ZDHHC14: variants seen among roughly 807,000 people sequenced by gnomAD.
ZDHHC14 encodes zDHHC palmitoyltransferase 14.
In ZDHHC14, 16 loss-of-function variants were observed where a neutral mutation model predicts 47.7. The ratio of observed to expected loss-of-function variants is 0.34; its 90% confidence interval spans 0.23 to 0.51. The LOEUF is 0.51. ZDHHC14 is among the 20% of genes least tolerant of loss of function. ZDHHC14 has a pLI of 0.97. For synonymous variants in ZDHHC14, 293 were observed against 278.9 expected (o/e 1.05, Z -0.50); for missense variants, 515 against 662.5 (o/e 0.78, Z 2.44).
chr6:157,446,399 G>GT (rs1251752682), intron 1 of ZDHHC14, among the ~76,000 whole-genome samples: 2 of 151,154 alleles, frequency 1.3e-5, no homozygotes, highest in Non-Finnish European at 3.0e-5. Flanking sequence ...TTTTTTTTTG[G>GT]TTTTTTTGTT....
chr6:157,462,343 C>G (rs1375346725), intron 1 of ZDHHC14, among the ~76,000 whole-genome samples: 1 of 152,206 alleles, frequency 6.6e-6, no homozygotes, highest in Non-Finnish European at 1.5e-5. Flanking sequence ...AAGATGAACA[C>G]TAACTGGAGC....
In ZDHHC14 at chr6:157,502,754, G is replaced by T. The variant is rs972621837; in HGVS notation, c.246-39831G>T. Among the ~76,000 whole-genome samples the T allele has an allele frequency of 1.3e-5, 2 of 152,166 alleles. No homozygotes were observed. Among genetic ancestry groups the T allele is most frequent in the African/African-American group, 4.8e-5 (2 of 41,446 alleles). ...CACCCAGGCTGGAGTGCAGTGGCAT[G>T]ATCTTGGCTCACTGCAACCTCCGCC... On this transcript the variant is annotated intron_variant, in intron 1 of 8. Transcript: ENST00000359775. This position sits in a 1 kb window ranked among gnomAD's most constrained non-coding sequence, Gnocchi z 4.0.
At chr6:157,517,438 G>A (rs1780737329) in intron 1 of ZDHHC14, among the ~76,000 whole-genome samples, 1 of 151,872 alleles carries the variant, frequency 6.6e-6, no homozygotes, top group Admixed American at 6.6e-5. Flanking sequence ...AGCCTCCCGA[G>A]TAGCTGGGAT....
intron 6 of ZDHHC14, chr6:157,646,362 C>T: frequency 6.6e-6 from 1 of 152,444 alleles, no homozygotes; most frequent in Non-Finnish European, 1.5e-5. Context: ...CCTGTAATCC[C>T]AGCACTTCGG....
rs1778964880 is a variant in ZDHHC14 at position 157,676,016 on chromosome 6, G to A, written c.*2894G>A. On this transcript the variant is annotated 3_prime_UTR_variant, in exon 9 of 9. Coordinates refer to ENST00000359775, the MANE Select transcript of ZDHHC14 (RefSeq NM_024630.3). ...AACCACAGGCTTCCCGGCACTTGAA[G>A]GCTGAACTGAGCGTGAGTGCCCTGG... The A allele has an allele frequency of 6.6e-6, 1 of 152,262 alleles. No individual in the cohort carries two copies. The highest frequency in any genetic ancestry group is 2.1e-4 in the South Asian group (1 of 4,834). 9.4% of individuals were successfully genotyped at this position (152,262 alleles called of 1,614,324 possible). A position where few individuals can be genotyped will look rare whatever the true frequency, so the allele number is the denominator to read the frequency against.
At chr6:157,453,264 G>A (rs1778843759) in intron 1 of ZDHHC14, among the ~76,000 whole-genome samples, 1 of 152,150 alleles carries the variant, frequency 6.6e-6, no homozygotes, top group African/African-American at 2.4e-5. Flanking sequence ...TTCTATCTCT[G>A]TATTGATCTT....
At chr6:157,595,867 C>T (rs1223089057) in intron 3 of ZDHHC14, among the ~76,000 whole-genome samples, 1 of 152,142 alleles carries the variant, frequency 6.6e-6, no homozygotes, top group African/African-American at 2.4e-5. Context: ...CACAACCGAA[C>T]ATGGTGGTGG....
chr6:157,479,135 T>C lies in ZDHHC14; in HGVS notation c.246-63450T>C, dbSNP rs138902248. 2.4e-3 allele frequency among the ~76,000 whole-genome samples: 360 copies of C among 152,314 alleles called. 2 individuals carry two copies. Among genetic ancestry groups the C allele is most frequent in the African/African-American group, 8.1e-3 (335 of 41,574 alleles). ...GGACTCTGGAGTCCACCTTCCTGGA[T>C]TTAGGTCCCACCTCAGCCACTAACC... On this transcript the variant is annotated intron_variant, in intron 1 of 8. Transcript: ENST00000359775.
chr6:157,500,381 T>A (rs1780167197), intron 1 of ZDHHC14, among the ~76,000 whole-genome samples: 1 of 151,934 alleles, frequency 6.6e-6, no homozygotes, highest in South Asian at 2.1e-4. Flanking sequence ...GGTGGGGACA[T>A]TAGGTTTTGT....
At chr6:157,513,073 T>C (rs1780552858) in intron 1 of ZDHHC14, among the ~76,000 whole-genome samples, 1 of 152,250 alleles carries the variant, frequency 6.6e-6, no homozygotes. Context: ...TGTTAAATAA[T>C]GCATCCACTT....
chr6:157,466,029 G>A (rs1184937069), intron 1 of ZDHHC14, among the ~76,000 whole-genome samples: 1 of 152,074 alleles, frequency 6.6e-6, no homozygotes, highest in Non-Finnish European at 1.5e-5. Flanking sequence ...GCGACAGAGT[G>A]AGATTCTGTC....
chr6:157,426,238 C>T (rs889463071), intron 1 of ZDHHC14, among the ~76,000 whole-genome samples: 4 of 152,252 alleles, frequency 2.6e-5, no homozygotes, highest in South Asian at 2.1e-4. Flanking sequence ...CACAGCTTGA[C>T]ACTGAATGGA....
intron 1 of ZDHHC14, among the ~76,000 whole-genome samples, chr6:157,489,773 G>A (rs528318563): frequency 2.6e-5 from 4 of 152,172 alleles, no homozygotes; most frequent in Non-Finnish European, 4.4e-5. Flanking sequence ...CTACTGCAGG[G>A]TTTGTGTTTG....
chr6:157,633,727 C>T (rs1314951406), intron 5 of ZDHHC14, among the ~76,000 whole-genome samples: 1 of 152,214 alleles, frequency 6.6e-6, no homozygotes, highest in Non-Finnish European at 1.5e-5. Flanking sequence ...ATCACCCACC[C>T]AGGCTGGAGT....
intron 1 of ZDHHC14, among the ~76,000 whole-genome samples, chr6:157,457,173 T>TA (rs5881213): frequency 6.6e-5 from 8 of 121,312 alleles, no homozygotes; most frequent in African/African-American, 1.9e-4. Context: ...AAACTCCATC[T>TA]AAAAAAAAAA....
At chr6:157,633,915 A>G (rs752267784) in intron 5 of ZDHHC14, among the ~76,000 whole-genome samples, 8 of 152,146 alleles carry the variant, frequency 5.3e-5, no homozygotes, top group Non-Finnish European at 8.8e-5. Context: ...GCCCTCCCCA[A>G]GTGTTGGGAT....
chr6:157,399,146 C>G (rs895641305), intron 1 of ZDHHC14, among the ~76,000 whole-genome samples: 1 of 152,174 alleles, frequency 6.6e-6, no homozygotes, highest in African/African-American at 2.4e-5. Context: ...ATTTCCATTT[C>G]TTTCAGGCCA....
chr6:157,471,360 C>T (rs1357440876), intron 1 of ZDHHC14, among the ~76,000 whole-genome samples: 1 of 152,188 alleles, frequency 6.6e-6, no homozygotes, highest in East Asian at 1.9e-4. Flanking sequence ...CTGCAGCGTT[C>T]ACATTTTCCC....
intron 1 of ZDHHC14, among the ~76,000 whole-genome samples, chr6:157,493,105 T>A (rs1779970225): frequency 6.6e-6 from 1 of 152,212 alleles, no homozygotes; most frequent in South Asian, 2.1e-4. Context: ...GCTACTGCAA[T>A]GATCCAGGCA....
Sources: allele counts gnomAD v4.1 joint callset (sites outside exome capture counted in the v4.1 genomes callset), GRCh38; gene constraint gnomAD v4.1.1; non-coding constraint Gnocchi (gnomAD v3.1); transcripts MANE v1.5; gene names NCBI Gene and HGNC (gene_info 2026-07-23, HGNC 2026-07-21).